Variants in OLA1 observed in about 807,000 individuals in gnomAD.
OLA1 encodes Obg like ATPase 1.
Under a neutral mutation model 48.4 loss-of-function variants are expected in OLA1, and 14 were observed. The observed-to-expected ratio is 0.29, with a 90% CI of 0.19 to 0.45. OLA1 has a LOEUF of 0.45. OLA1 is among the 20% of genes least tolerant of loss of function. The pLI, the probability that OLA1 is intolerant of heterozygous loss-of-function variation, is 1.00. For synonymous variants in OLA1, 127 were observed against 150.4 expected, an observed-to-expected ratio of 0.84 and a Z score of 1.14; for missense variants, 325 against 467.1, an observed-to-expected ratio of 0.70 and a Z score of 2.80.
At chr2:174,198,043 A>C (rs1442975605) in intron 4 of OLA1, among the ~76,000 whole-genome samples, 1 of 152,192 alleles carries the variant, frequency 6.6e-6, no homozygotes, top group Non-Finnish European at 1.5e-5. Context: ...GGCTCACTGC[A>C]ATCTCTGCCT....
chr2:174,202,979 G>C (rs1389402703), intron 4 of OLA1, among the ~76,000 whole-genome samples: 2 of 151,788 alleles, frequency 1.3e-5, no homozygotes, highest in African/African-American at 4.8e-5. Flanking sequence ...GTTGTTCAAG[G>C]GTCAACTGTA....
chr2:174,162,571 A>G (rs1687034647), intron 4 of OLA1, among the ~76,000 whole-genome samples: 1 of 152,196 alleles, frequency 6.6e-6, no homozygotes, highest in Non-Finnish European at 1.5e-5. Flanking sequence ...CTACTGGTAG[A>G]TTTTTATTTG....
Position 174,212,205 on chromosome 2 carries a change from C to T in OLA1, c.373+10828G>A, listed in dbSNP as rs148747651. 2.2e-4 allele frequency among the ~76,000 whole-genome samples: 33 copies of T among 152,294 alleles called. No homozygotes were observed. The East Asian group carries it at 6.0e-3, about 28-fold the overall frequency. On this transcript the variant is annotated intron_variant, in intron 4 of 10. Coordinates refer to ENST00000284719, the MANE Select transcript of OLA1 (RefSeq NM_013341.5). ...CTAGGCTAAATGGTATAGCCTATTG[C>T]TCCTAGGCTACAAACCTGTATAGCA...
chr2:174,111,190 C>T (rs1354194603), intron 7 of OLA1, among the ~76,000 whole-genome samples: 1 of 152,088 alleles, frequency 6.6e-6, no homozygotes, highest in Non-Finnish European at 1.5e-5. Context: ...GGCAACTAAC[C>T]AAACATTCTT....
chr2:174,164,700 C>T (rs1687121645), intron 4 of OLA1, among the ~76,000 whole-genome samples: 6 of 152,186 alleles, frequency 3.9e-5, no homozygotes, highest in Admixed American at 3.3e-4. Flanking sequence ...AAGTTTATCA[C>T]TGATAGGTAG....
At chr2:174,225,833 T>G (rs1405666791) in intron 3 of OLA1, among the ~76,000 whole-genome samples, 1 of 152,178 alleles carries the variant, frequency 6.6e-6, no homozygotes, top group Admixed American at 6.5e-5. Flanking sequence ...TTTCTAGGCT[T>G]CACGTTTCTT....
intron 5 of OLA1, among the ~76,000 whole-genome samples, chr2:174,135,034 C>T (rs1056648813): frequency 6.6e-6 from 1 of 151,988 alleles, no homozygotes; most frequent in Non-Finnish European, 1.5e-5. Flanking sequence ...GTGGCGGGCG[C>T]CTGTAGTCCC....
At chr2:174,196,771 A>G (rs554986860) in intron 4 of OLA1, among the ~76,000 whole-genome samples, 1 of 152,332 alleles carries the variant, frequency 6.6e-6, no homozygotes, top group South Asian at 2.1e-4. Flanking sequence ...AGCTTTTAAC[A>G]TGTTCACAAT....
chr2:174,190,699 G>T (rs1039836177), intron 4 of OLA1, among the ~76,000 whole-genome samples: 1 of 151,906 alleles, frequency 6.6e-6, no homozygotes, highest in African/African-American at 2.4e-5. Context: ...TTATCAAAGA[G>T]TAATGTGGAA....
At chr2:174,135,713 A>T (rs923386638) in intron 5 of OLA1, among the ~76,000 whole-genome samples, 1 of 152,228 alleles carries the variant, frequency 6.6e-6, no homozygotes, top group Admixed American at 6.5e-5. Flanking sequence ...TGATCTCTTT[A>T]AGTCATATAT....
At chr2:174,211,186 C>T (rs1229384498) in intron 4 of OLA1, among the ~76,000 whole-genome samples, 1 of 145,776 alleles carries the variant, frequency 6.9e-6, no homozygotes, top group African/African-American at 2.5e-5. Context: ...CCACAACACA[C>T]ACACACACAC....
At chr2:174,116,514 G>C (rs1045511305) in intron 7 of OLA1, among the ~76,000 whole-genome samples, 1 of 152,128 alleles carries the variant, frequency 6.6e-6, no homozygotes, top group African/African-American at 2.4e-5. Context: ...AAGAAACATG[G>C]TGAGATGCAG....
At chr2:174,081,277 A>C (rs775088527) in intron 8 of OLA1, 29 bp from the exon 9 acceptor site, 1 of 1,547,780 alleles carries the variant, frequency 6.5e-7, no homozygotes, top group Non-Finnish European at 8.9e-7. Flanking sequence ...AATTCACCCA[A>C]CACATAAGTT....
chr2:174,147,947 C>T (rs1287982447), intron 4 of OLA1, among the ~76,000 whole-genome samples: 1 of 152,184 alleles, frequency 6.6e-6, no homozygotes, highest in East Asian at 1.9e-4. Flanking sequence ...CCTCAGCCTC[C>T]TGAATAGCTG....
intron 4 of OLA1, among the ~76,000 whole-genome samples, chr2:174,178,820 C>A (rs1022771762): frequency 3.3e-5 from 5 of 151,846 alleles, no homozygotes; most frequent in Admixed American, 6.6e-5. Flanking sequence ...AAACTAAGTA[C>A]AAATTTGCAA....
intron 4 of OLA1, among the ~76,000 whole-genome samples, chr2:174,222,525 C>A (rs1189855062): frequency 1.3e-5 from 2 of 152,090 alleles, no homozygotes; most frequent in African/African-American, 4.8e-5. Flanking sequence ...CCAAACTAAG[C>A]CACAGTCCTA....
At chr2:174,091,904 A>C (rs1359717426) in intron 7 of OLA1, among the ~76,000 whole-genome samples, 2 of 128,524 alleles carry the variant, frequency 1.6e-5, no homozygotes, top group African/African-American at 6.0e-5. Flanking sequence ...AAAAAAAAAA[A>C]AAAGCCTCTC....
At chr2:174,111,482 G>A (rs762106900) in intron 7 of OLA1, among the ~76,000 whole-genome samples, 12 of 152,072 alleles carry the variant, frequency 7.9e-5, no homozygotes, top group Non-Finnish European at 1.6e-4. Context: ...TTGTTATGGG[G>A]ATTAAACGAA....
At chr2:174,085,467 T>A (rs1410593803) in intron 7 of OLA1, among the ~76,000 whole-genome samples, 1 of 152,216 alleles carries the variant, frequency 6.6e-6, no homozygotes, top group African/African-American at 2.4e-5. Flanking sequence ...TGATCTGAGG[T>A]GGAACAGTTT....
Sources: gnomAD v4.1 joint callset for allele counts (sites outside exome capture counted in the v4.1 genomes callset) on GRCh38, gnomAD v4.1.1 for gene constraint, MANE v1.5 for transcripts, NCBI Gene and HGNC (gene_info 2026-07-23, HGNC 2026-07-21) for gene names.